ARNT: variants seen among roughly 807,000 people sequenced by gnomAD.
ARNT encodes the protein class E basic helix-loop-helix protein 2.
ARNT carries 30 observed loss-of-function variants against 105.0 expected under a neutral mutation model. The ratio of observed to expected loss-of-function variants is 0.29; its 90% CI spans 0.21 to 0.39. The LOEUF (loss-of-function observed/expected upper bound fraction) is 0.39, where lower values mean the gene tolerates loss of function less well. ARNT is among the 10% of genes least tolerant of loss of function. The probability of loss-of-function intolerance (pLI) is 1.00; values close to 1 mark genes in which losing one functional copy is unlikely to be tolerated. For synonymous variants in ARNT, 304 were observed against 344.0 expected (o/e 0.88, Z 1.29); for missense variants, 748 against 978.7 (o/e 0.76, Z 3.15).
Position 150,876,595 on chromosome 1 carries a change from A to ACC in ARNT, c.-30_-29dup, listed in dbSNP as rs34415707. On this transcript the variant is annotated 5_prime_UTR_variant, in exon 1 of 22. Coordinates refer to ENST00000358595, the MANE Select transcript of ARNT (RefSeq NM_001668.4). The stretch of plus-strand genomic sequence containing the variant: ...CCGCAGATGCCACCGCCGCCGCGCC[A>ACC]CCCCCCCCCCCAGTGGGAGGAGCCG... 5,237 of 1,365,272 alleles carry ACC rather than the reference A, an allele frequency of 3.8e-3. 45 individuals are homozygous for ACC. In the East Asian group the frequency reaches 0.058, roughly 15 times the overall value. 84.6% of individuals were successfully genotyped at this position (1,365,272 alleles called of 1,614,324 possible). A position where few individuals can be genotyped will look rare whatever the true frequency, so the allele number is the denominator to read the frequency against.
At chr1:150,858,260 T>C (rs906768237) in intron 2 of ARNT, 89 bp downstream of exon 2, 32 of 938,272 alleles carry the variant, frequency 3.4e-5, no homozygotes, top group Admixed American at 8.3e-5. Context: ...TGGTCAGGAA[T>C]AGCGAAGTGA....
At chr1:150,818,295 G>A in intron 14 of ARNT, 1 of 337,308 alleles carries the variant, frequency 3.0e-6, no homozygotes, top group Non-Finnish European at 5.4e-6. Context: ...TATTGTGAAT[G>A]TGTGTATATA....
chr1:150,826,737 T>C (rs1343691294), intron 12 of ARNT, 120 bp from the exon 13 acceptor site: 3 of 633,630 alleles, frequency 4.7e-6, no homozygotes, highest in Non-Finnish European at 2.8e-6. Flanking sequence ...CTCCACCTCC[T>C]GAGTTCAAGC....
intron 19 of ARNT, 37 bp from the exon 20 acceptor site, chr1:150,814,276 A>G (rs587727207): frequency 1.4e-5 from 22 of 1,600,314 alleles, no homozygotes; most frequent in South Asian, 3.3e-5. Flanking sequence ...GAACAAATAC[A>G]GCATTAACAT....
At chr1:150,865,701 C>T (rs894269181) in intron 1 of ARNT, among the ~76,000 whole-genome samples, 3 of 152,084 alleles carry the variant, frequency 2.0e-5, no homozygotes, top group Middle Eastern at 3.2e-3. Context: ...GTGAGGGACC[C>T]GTACTGAAAA....
intron 4 of ARNT, among the ~76,000 whole-genome samples, chr1:150,843,123 T>C (rs2102003285): frequency 6.6e-6 from 1 of 152,350 alleles, no homozygotes; most frequent in South Asian, 2.1e-4. Flanking sequence ...CTATTATTGA[T>C]TTGTTCCTAA....
At chr1:150,831,130 GACAGGA>G (rs1659295951) in intron 10 of ARNT, among the ~76,000 whole-genome samples, 1 of 152,150 alleles carries the variant, frequency 6.6e-6, no homozygotes, top group Non-Finnish European at 1.5e-5. Context: ...AAGTAACAAT[GACAGGA>G]ATCACATCCA....
intron 4 of ARNT, 101 bp from the exon 5 acceptor site, chr1:150,842,569 A>C: frequency 2.2e-6 from 2 of 913,802 alleles, no homozygotes; most frequent in Non-Finnish European, 1.7e-6. Context: ...GGGAGAGGAA[A>C]TGGAGGGAGA....
intron 6 of ARNT, among the ~76,000 whole-genome samples, chr1:150,838,932 TGAA>T (rs1236245297): frequency 3.9e-5 from 6 of 152,228 alleles, no homozygotes; most frequent in Non-Finnish European, 8.8e-5. Flanking sequence ...TATATTCAGA[TGAA>T]GTTCCTGAAA....
In ARNT at chr1:150,811,397, G is replaced by T. The variant is rs1654685398; in HGVS notation, c.*624C>A. ...ACACAGAAAGACAAAGGTAAAATCG[G>T]GGACAAATTTTGCATAACTCCCTAA... On this transcript the variant is annotated 3_prime_UTR_variant, in exon 22 of 22. Transcript: ENST00000358595. The T allele has an allele frequency of 4.3e-6, 1 of 233,462 alleles. No individual in the cohort carries two copies. The highest frequency in any genetic ancestry group is 2.2e-5 in the African/African-American group (1 of 45,258). The allele number at this position is 233,462 out of a possible 1,614,324, so 14.5% of individuals were successfully genotyped here. A position where few individuals can be genotyped will look rare whatever the true frequency, so the allele number is the denominator to read the frequency against.
intron 13 of ARNT, among the ~76,000 whole-genome samples, chr1:150,823,663 G>A (rs1267467912): frequency 6.6e-6 from 1 of 150,570 alleles, no homozygotes; most frequent in African/African-American, 2.4e-5. Flanking sequence ...CGATTTTCTT[G>A]CCTCAGCCTC....
intron 1 of ARNT, among the ~76,000 whole-genome samples, chr1:150,866,263 G>C (rs1433257308): frequency 1.7e-5 from 1 of 59,596 alleles, no homozygotes; most frequent in Non-Finnish European, 4.4e-5. Context: ...GATTACAGGC[G>C]TGAGCCACCA....
rs1042045684 is a variant in ARNT, at chr1:150,817,451, G to A, written c.1506-18C>T. On this transcript the variant is annotated intron_variant, in intron 15 of 21. Coordinates refer to ENST00000358595, the MANE Select transcript of ARNT (RefSeq NM_001668.4). ...GCTGCTGCCTATATGTCAAAGGCCAGTTGACAAGACAAATAGAAAAAAAAA... is the reference window on the plus strand; with the variant it reads ...GCTGCTGCCTATATGTCAAAGGCCAATTGACAAGACAAATAGAAAAAAAAA... 6.2e-7 allele frequency: 1 copy of A among 1,611,618 alleles called. No individual in the cohort carries two copies.
At chr1:150,868,748 A>C (rs1008320800) in intron 1 of ARNT, among the ~76,000 whole-genome samples, 1 of 151,494 alleles carries the variant, frequency 6.6e-6, no homozygotes, top group Non-Finnish European at 1.5e-5. Context: ...AAAAACACAA[A>C]AATTAGCCAG....
intron 3 of ARNT, among the ~76,000 whole-genome samples, chr1:150,847,933 G>A (rs1662551498): frequency 6.6e-6 from 1 of 152,072 alleles, no homozygotes; most frequent in African/African-American, 2.4e-5. Flanking sequence ...TGAGTAGCCA[G>A]AAATATGAGC....
At chr1:150,846,607 G>GT (rs1231323636) in intron 3 of ARNT, among the ~76,000 whole-genome samples, 6 of 151,296 alleles carry the variant, frequency 4.0e-5, no homozygotes, top group East Asian at 1.9e-4. Flanking sequence ...TTAGTTTTGG[G>GT]TTTTTTTTTA....
At chr1:150,813,002 G>T (rs900120135) in intron 21 of ARNT, among the ~76,000 whole-genome samples, 170 bp downstream of exon 21, 1 of 152,240 alleles carries the variant, frequency 6.6e-6, no homozygotes, top group East Asian at 1.9e-4. Context: ...TCTAGCTTCT[G>T]CAATCTTTTC....
chr1:150,819,107 A>G (rs2101643763), intron 14 of ARNT, among the ~76,000 whole-genome samples: 1 of 152,248 alleles, frequency 6.6e-6, no homozygotes, highest in South Asian at 2.1e-4. Flanking sequence ...TATTATTCAT[A>G]TTTGCTAAGT....
intron 3 of ARNT, 152 bp from the exon 4 acceptor site, chr1:150,846,459 T>A (rs587610188): frequency 1.4e-6 from 1 of 712,254 alleles, no homozygotes; most frequent in Non-Finnish European, 2.3e-6. Context: ...CAGCACCCCA[T>A]AGAACTTAAA....
Sources: gnomAD v4.1 joint callset for allele counts (sites outside exome capture counted in the v4.1 genomes callset) on GRCh38, gnomAD v4.1.1 for gene constraint, MANE v1.5 for transcripts, NCBI Gene and HGNC (gene_info 2026-07-23, HGNC 2026-07-21) for gene names.